Variants in PISD observed in about 807,000 individuals in gnomAD.
PISD encodes phosphatidylserine decarboxylase, also known as phosphatidylserine decarboxylase proenzyme, mitochondrial.
In PISD, 31 loss-of-function variants were observed where a neutral mutation model predicts 43.5. The ratio of observed to expected loss-of-function variants is 0.71; its 90% CI spans 0.54 to 0.96. The LOEUF (loss-of-function observed/expected upper bound fraction) is 0.96. Among genes scored for constraint, PISD ranks in the 40% least tolerant of loss-of-function variants. PISD has a pLI of 0.00. For missense variants in PISD, 523 were observed against 548.4 expected, an observed-to-expected ratio of 0.95 and a Z score of 0.46; for synonymous variants, 259 against 228.7, an observed-to-expected ratio of 1.13 and a Z score of -1.20.
At chr22:31,637,063 A>G (rs1484035649) in intron 3 of PISD, among the ~76,000 whole-genome samples, 2 of 149,070 alleles carry the variant, frequency 1.3e-5, no homozygotes, top group Admixed American at 6.7e-5. Flanking sequence ...CAAGGCAGCT[A>G]TATCACTTGA....
chr22:31,636,073 C>A (rs1899418942), intron 3 of PISD, among the ~76,000 whole-genome samples: 1 of 152,218 alleles, frequency 6.6e-6, no homozygotes, highest in Non-Finnish European at 1.5e-5. Context: ...ACATGGAGAA[C>A]ACGTCCGATA....
chr22:31,624,523 C>A (rs1032984981), intron 3 of PISD, among the ~76,000 whole-genome samples: 1 of 152,052 alleles, frequency 6.6e-6, no homozygotes, highest in Non-Finnish European at 1.5e-5. Context: ...CACACAGCTA[C>A]GGCTCCATCC....
chr22:31,639,580 T>C (rs1193688320), intron 3 of PISD, among the ~76,000 whole-genome samples: 2 of 152,194 alleles, frequency 1.3e-5, no homozygotes, highest in Non-Finnish European at 2.9e-5. Context: ...TGAGATATAA[T>C]CTAAAACAGT....
intron 3 of PISD, chr22:31,623,998 G>C: frequency 1.5e-6 from 1 of 688,692 alleles, no homozygotes; most frequent in Non-Finnish European, 2.4e-6. Context: ...AGCCCAGCAA[G>C]CACTGGCTGT....
At chr22:31,638,640 TCTA>T (rs2073590304) in intron 3 of PISD, 1 of 985,016 alleles carries the variant, frequency 1.0e-6, no homozygotes, top group African/African-American at 1.7e-5. Context: ...CAGTTCTGTC[TCTA>T]CTACTAGCTA....
At chr22:31,645,321 C>T (rs1266025022) in intron 3 of PISD, among the ~76,000 whole-genome samples, 2 of 151,222 alleles carry the variant, frequency 1.3e-5, no homozygotes, top group Non-Finnish European at 2.9e-5. Context: ...GGGAGGATGG[C>T]TTGAGCCTAG....
rs772922864 is a variant in PISD at position 31,621,817 on chromosome 22, C to A, written c.390G>T (p.Glu130Asp). 1 of 1,613,554 alleles carries A rather than the reference C, an allele frequency of 6.2e-7. No individual in the cohort carries two copies. The highest frequency in any genetic ancestry group is 1.1e-5 in the South Asian group (1 of 91,088). The part of the protein sequence containing the change: ...SRAWGRLNQV[E>D]LPHWLRRPVY... ...CGGGCCTGCGCAGCCAGTGTGGCAGCTCCACCTGATTGAGGCGACCCCAGG... is the reference window on the plus strand; with the variant it reads ...CGGGCCTGCGCAGCCAGTGTGGCAGATCCACCTGATTGAGGCGACCCCAGG... Residue 130 changes from glutamate to aspartate, a missense_variant, in exon 4 of 8, where the codon GAG becomes GAT. Transcript: ENST00000439502.
chr22:31,624,489 C>A (rs1411944942), intron 3 of PISD, among the ~76,000 whole-genome samples: 3 of 152,136 alleles, frequency 2.0e-5, no homozygotes, highest in African/African-American at 7.2e-5. Flanking sequence ...TCAAAGGGAG[C>A]ATTTACACTC....
intron 1 of PISD, among the ~76,000 whole-genome samples, chr22:31,657,732 G>A (rs2074220009): frequency 6.6e-6 from 1 of 151,136 alleles, no homozygotes. Flanking sequence ...TGTTGGCCAC[G>A]CTGGTGTTGA....
chr22:31,624,501 G>A (rs544479864), intron 3 of PISD, among the ~76,000 whole-genome samples: 33 of 152,006 alleles, frequency 2.2e-4, no homozygotes, highest in South Asian at 1.2e-3. Context: ...TTTACACTCC[G>A]CCTACCACCA....
chr22:31,650,382 A>C (rs1003962704), intron 2 of PISD, among the ~76,000 whole-genome samples: 1 of 151,992 alleles, frequency 6.6e-6, no homozygotes, highest in Non-Finnish European at 1.5e-5. Context: ...AAAAATTAAC[A>C]ATAAAAATTA....
chr22:31,645,790 G>A (rs2073868493), intron 3 of PISD, among the ~76,000 whole-genome samples: 1 of 148,864 alleles, frequency 6.7e-6, no homozygotes. Context: ...CGGGGAGGCG[G>A]AGGTTGCAGT....
In PISD at chr22:31,620,728, A is replaced by C; in HGVS notation, c.845-15T>G. The C allele has an allele frequency of 6.2e-7, 1 of 1,613,944 alleles. No individual in the cohort carries two copies. Among genetic ancestry groups the C allele is most frequent in the Non-Finnish European group, 8.5e-7 (1 of 1,179,902 alleles). On this transcript the variant is annotated splice_polypyrimidine_tract_variant and intron_variant, in intron 6 of 7. Coordinates refer to ENST00000439502, the MANE Select transcript of PISD (RefSeq NM_001326411.2). ...CATCAGGGAGCCTGCAGAGGCAGGG[A>C]ATGCCGCTACTCCCCGTCCAGAGCC...
chr22:31,626,059 C>G, intron 3 of PISD: 1 of 1,417,830 alleles, frequency 7.1e-7, no homozygotes, highest in Non-Finnish European at 9.2e-7. Context: ...CTGCTCAGGT[C>G]ACCTGCTCAG....
intron 3 of PISD, among the ~76,000 whole-genome samples, chr22:31,631,509 C>T (rs1199069415): frequency 6.6e-6 from 1 of 152,192 alleles, no homozygotes; most frequent in Admixed American, 6.5e-5. Context: ...GTCCGACCGC[C>T]CCAGCCTAGA....
At chr22:31,628,392 C>G (rs998763290) in intron 3 of PISD, among the ~76,000 whole-genome samples, 1 of 152,236 alleles carries the variant, frequency 6.6e-6, no homozygotes, top group Non-Finnish European at 1.5e-5. Context: ...CTTGAGGTGA[C>G]ACGAGGTGGG....
At chr22:31,632,238 G>A (rs1247179717) in intron 3 of PISD, 9 of 985,152 alleles carry the variant, frequency 9.1e-6, no homozygotes, top group Non-Finnish European at 1.1e-5. Context: ...GGATGCGGCA[G>A]GGGGAAGAAG....
Position 31,618,678 on chromosome 22 carries a change from A to T in PISD, c.*934T>A, listed in dbSNP as rs1442683575. On this transcript the variant is annotated 3_prime_UTR_variant, in exon 8 of 8. Transcript: ENST00000439502. Reference sequence around the variant, plus strand: ...CATGAAATCTGGCCCTGTCCCCGCCACTGGGGGCTCCCCAGGCCTGCGTTC... The same window carrying T: ...CATGAAATCTGGCCCTGTCCCCGCCTCTGGGGGCTCCCCAGGCCTGCGTTC... 1 of 363,448 alleles carries T rather than the reference A, an allele frequency of 2.8e-6. No individual in the cohort carries two copies. Among genetic ancestry groups the T allele is most frequent in the Admixed American group, 4.5e-5 (1 of 22,392 alleles). The allele number at this position is 363,448 out of a possible 1,614,324, so 22.5% of individuals were successfully genotyped here.
chr22:31,645,277 G>T (rs966219347), intron 3 of PISD, among the ~76,000 whole-genome samples: 1 of 152,026 alleles, frequency 6.6e-6, no homozygotes. Context: ...GATGGTACAC[G>T]CTTATATTCC....
Sources: allele counts gnomAD v4.1 joint callset (sites outside exome capture counted in the v4.1 genomes callset), GRCh38; gene constraint gnomAD v4.1.1; transcripts MANE v1.5; gene names NCBI Gene and HGNC (gene_info 2026-07-23, HGNC 2026-07-21).